Variants in BORCS5 observed in about 807,000 individuals in gnomAD.
BORCS5 encodes BLOC-1 related complex subunit 5, also known as BLOC-1-related complex subunit 5.
BORCS5 carries 17 observed loss-of-function variants against 22.1 expected under a neutral mutation model. The observed-to-expected ratio is 0.77, with a 90% CI of 0.53 to 1.15. The LOEUF is 1.15. BORCS5 is among the 50% of genes most tolerant of loss of function. The probability of loss-of-function intolerance (pLI) is 0.00; values close to 1 mark genes in which losing one functional copy is unlikely to be tolerated. For synonymous variants in BORCS5, 117 were observed against 99.8 expected (o/e 1.17, Z -1.03); for missense variants, 247 against 253.2 (o/e 0.98, Z 0.17).
chr12:12,423,100 C>A (rs1351233186), intron 2 of BORCS5, among the ~76,000 whole-genome samples: 2 of 152,022 alleles, frequency 1.3e-5, no homozygotes, highest in African/African-American at 4.8e-5. Context: ...CTCCCGGCTT[C>A]ACGCCATTCT....
chr12:12,363,750 T>A (rs1863345237), intron 2 of BORCS5, among the ~76,000 whole-genome samples: 1 of 151,428 alleles, frequency 6.6e-6, no homozygotes, highest in Non-Finnish European at 1.5e-5. Context: ...AAAAAAAAAT[T>A]AGCTGGGTGT....
rs60117219 is a variant in BORCS5, at chr12:12,360,797, C to T, written c.59-409C>T. ...GTGCAGTGGCACGATCTTGGCACAC[C>T]GCAACCTCCGCCTCTCGGGCTCAAG... On this transcript the variant is annotated intron_variant, in intron 1 of 3. Transcript: ENST00000314565. 2.3e-3 allele frequency among the ~76,000 whole-genome samples: 352 copies of T among 151,836 alleles called. 1 individual carries two copies. The highest frequency in any genetic ancestry group is 7.2e-3 in the African/African-American group (296 of 41,392).
At chr12:12,361,833 G>A (rs1339264441) in intron 2 of BORCS5, among the ~76,000 whole-genome samples, 8 of 152,176 alleles carry the variant, frequency 5.3e-5, no homozygotes, top group African/African-American at 1.9e-4. Context: ...TGATACACTC[G>A]TAATTAATCC....
intron 2 of BORCS5, among the ~76,000 whole-genome samples, chr12:12,414,549 C>T (rs1296977985): frequency 9.9e-5 from 8 of 80,416 alleles, no homozygotes; most frequent in South Asian, 3.0e-4. Context: ...GGCGGCTGGC[C>T]GGGCGGGGGG....
chr12:12,413,908 G>A (rs1458337005), intron 2 of BORCS5, among the ~76,000 whole-genome samples: 2 of 59,762 alleles, frequency 3.3e-5, no homozygotes, highest in Non-Finnish European at 6.8e-5. Flanking sequence ...CTCCCTCCCG[G>A]ACTGGGCGGC....
intron 1 of BORCS5, among the ~76,000 whole-genome samples, chr12:12,359,646 G>C (rs887927682): frequency 6.7e-6 from 1 of 149,618 alleles, no homozygotes; most frequent in Non-Finnish European, 1.5e-5. Flanking sequence ...ACAGGCGTGA[G>C]CCACCGTGCC....
intron 2 of BORCS5, among the ~76,000 whole-genome samples, chr12:12,428,666 C>G (rs1942349050): frequency 6.6e-6 from 1 of 152,034 alleles, no homozygotes; most frequent in Non-Finnish European, 1.5e-5. Context: ...GAAAACTAAC[C>G]ATAAGTATGT....
At chr12:12,385,698 C>T (rs12814371) in intron 2 of BORCS5, among the ~76,000 whole-genome samples, 4 of 151,078 alleles carry the variant, frequency 2.6e-5, no homozygotes, top group East Asian at 1.9e-4. Context: ...TTAGTAGAGA[C>T]GGGGTTTCAC....
At chr12:12,425,606 C>T (rs1592116233) in intron 2 of BORCS5, among the ~76,000 whole-genome samples, 1 of 152,280 alleles carries the variant, frequency 6.6e-6, no homozygotes, top group East Asian at 1.9e-4. Context: ...GTCGAGCATC[C>T]TTCATATGCT....
intron 3 of BORCS5, among the ~76,000 whole-genome samples, chr12:12,442,952 T>C (rs1358877785): frequency 6.6e-6 from 1 of 152,216 alleles, no homozygotes. Context: ...CCTGACTTCC[T>C]GTACTGTGTG....
At chr12:12,424,335 T>G (rs1218320194) in intron 2 of BORCS5, among the ~76,000 whole-genome samples, 1 of 152,222 alleles carries the variant, frequency 6.6e-6, no homozygotes, top group Non-Finnish European at 1.5e-5. Context: ...ATCCCTGCAT[T>G]GAATTTTTCG....
intron 2 of BORCS5, among the ~76,000 whole-genome samples, chr12:12,422,987 T>TA (rs113936393): frequency 0.28 from 42,335 of 151,204 alleles, 7,726 homozygotes; most frequent in African/African-American, 0.52. Context: ...TGGGCTTTTT[T>TA]TTTTTTATTT....
At chr12:12,448,949 T>G (rs1324811034) in intron 3 of BORCS5, among the ~76,000 whole-genome samples, 1 of 152,250 alleles carries the variant, frequency 6.6e-6, no homozygotes. Flanking sequence ...ACAGTATACT[T>G]AGCATCTCAA....
intron 2 of BORCS5, among the ~76,000 whole-genome samples, chr12:12,428,965 G>A (rs1405638854): frequency 1.3e-5 from 2 of 152,056 alleles, no homozygotes; most frequent in African/African-American, 4.8e-5. Flanking sequence ...TAATGGTATT[G>A]GAGTTGGTAG....
intron 2 of BORCS5, among the ~76,000 whole-genome samples, chr12:12,414,409 C>G: frequency 9.6e-6 from 1 of 104,052 alleles, no homozygotes; most frequent in African/African-American, 3.7e-5. Flanking sequence ...CCCTCCCGGA[C>G]TGGGCGGCTG....
chr12:12,452,501 C>T (rs780835606), intron 3 of BORCS5: 6 of 446,826 alleles, frequency 1.3e-5, no homozygotes, highest in Admixed American at 7.7e-5. Flanking sequence ...TCGGGCCCAC[C>T]GGGTAGGCAC....
chr12:12,463,245 T>A (rs971742804), intron 3 of BORCS5, among the ~76,000 whole-genome samples: 1 of 152,164 alleles, frequency 6.6e-6, no homozygotes, highest in African/African-American at 2.4e-5. Context: ...CAATGTTACC[T>A]CAAGAGCAAA....
intron 2 of BORCS5, among the ~76,000 whole-genome samples, chr12:12,392,989 T>C (rs997892090): frequency 2.0e-5 from 3 of 152,024 alleles, no homozygotes; most frequent in African/African-American, 7.3e-5. Flanking sequence ...ATGCCAGCAC[T>C]TTAGGAGGCT....
chr12:12,457,350 C>T (rs1030305376), intron 3 of BORCS5, among the ~76,000 whole-genome samples: 3 of 152,146 alleles, frequency 2.0e-5, no homozygotes, highest in African/African-American at 4.8e-5. Flanking sequence ...TATCCATAAG[C>T]GATGTATGTA....
Sources: allele counts gnomAD v4.1 joint callset (sites outside exome capture counted in the v4.1 genomes callset), GRCh38; gene constraint gnomAD v4.1.1; transcripts MANE v1.5; gene names NCBI Gene and HGNC (gene_info 2026-07-23, HGNC 2026-07-21).